Variants in FARSB observed in about 807,000 individuals in gnomAD.
The protein encoded by FARSB is phenylalanyl-tRNA synthetase subunit beta.
Under a neutral mutation model 69.6 loss-of-function variants are expected in FARSB, and 40 were observed. The observed-to-expected ratio is 0.57, with a 90% confidence interval of 0.45 to 0.75. The LOEUF is 0.75. FARSB is among the 30% of genes least tolerant of loss of function. The pLI is 0.00. For synonymous variants in FARSB, 235 were observed against 247.2 expected (o/e 0.95, Z 0.46); for missense variants, 632 against 722.9 (o/e 0.87, Z 1.44).
At chr2:222,628,458 A>G (rs903367278) in intron 10 of FARSB, among the ~76,000 whole-genome samples, 4 of 152,182 alleles carry the variant, frequency 2.6e-5, no homozygotes, top group Non-Finnish European at 4.4e-5. Flanking sequence ...GAATAAAAAC[A>G]TTTTTTAAAA....
intron 15 of FARSB, among the ~76,000 whole-genome samples, chr2:222,603,504 C>CA (rs1460442234): frequency 6.6e-6 from 1 of 151,580 alleles, no homozygotes; most frequent in Non-Finnish European, 1.5e-5. Context: ...AACTATCTGT[C>CA]AATTTATCTA....
chr2:222,590,266 C>CA (rs1474765079), intron 16 of FARSB, among the ~76,000 whole-genome samples: 2 of 150,764 alleles, frequency 1.3e-5, no homozygotes, highest in Non-Finnish European at 3.0e-5. Context: ...ATTGCAAGGA[C>CA]AAAAAACCAA....
intron 10 of FARSB, among the ~76,000 whole-genome samples, chr2:222,625,656 G>T (rs1691250029): frequency 6.6e-6 from 1 of 152,186 alleles, no homozygotes; most frequent in African/African-American, 2.4e-5. Context: ...GAGGCACAAG[G>T]TGAAGATTGC....
At chr2:222,578,914 G>A (rs1689902565) in intron 16 of FARSB, among the ~76,000 whole-genome samples, 2 of 152,136 alleles carry the variant, frequency 1.3e-5, no homozygotes. Context: ...CTCGGGAGGG[G>A]GAGGTTGCAG....
intron 15 of FARSB, among the ~76,000 whole-genome samples, chr2:222,607,708 A>C (rs1248483818): frequency 6.6e-6 from 1 of 152,102 alleles, no homozygotes; most frequent in African/African-American, 2.4e-5. Context: ...CATATTCATG[A>C]AAGGTCTTAA....
intron 16 of FARSB, among the ~76,000 whole-genome samples, chr2:222,586,653 G>A (rs1016155176): frequency 1.3e-5 from 2 of 152,110 alleles, no homozygotes; most frequent in African/African-American, 4.8e-5. Flanking sequence ...AAAATAAAGG[G>A]ATGGAGGAAG....
rs1276736972 is a variant in FARSB, at chr2:222,623,096, A to G, written c.1251+554T>C. ...CAGCAAGAGGGAAAAACGGAACTACAAATTGCATACACATTTTATTCTTTC... is the reference window on the plus strand; with the variant it reads ...CAGCAAGAGGGAAAAACGGAACTACGAATTGCATACACATTTTATTCTTTC... On this transcript the variant is annotated intron_variant, in intron 13 of 16. Transcript: ENST00000281828. Among the ~76,000 whole-genome samples the G allele has an allele frequency of 2.6e-5, 4 of 152,340 alleles. No homozygotes were observed. The East Asian group carries it at 7.7e-4, about 29-fold the overall frequency.
At chr2:222,590,610 T>G (rs1161933905) in intron 16 of FARSB, among the ~76,000 whole-genome samples, 2 of 151,954 alleles carry the variant, frequency 1.3e-5, no homozygotes, top group African/African-American at 2.4e-5. Context: ...TGGATACTTG[T>G]TGATATTCAG....
chr2:222,650,058 T>C (rs770651967), intron 1 of FARSB, among the ~76,000 whole-genome samples: 9 of 152,184 alleles, frequency 5.9e-5, no homozygotes, highest in Non-Finnish European at 1.3e-4. Flanking sequence ...CTGTGTTAAG[T>C]ACAAGGTACA....
At chr2:222,631,571 A>T in intron 8 of FARSB, 33 bp downstream of exon 8, 1 of 1,154,494 alleles carries the variant, frequency 8.7e-7, no homozygotes, top group Non-Finnish European at 1.3e-6. Context: ...ATCCCAGCTG[A>T]TCATACAAAA....
intron 2 of FARSB, among the ~76,000 whole-genome samples, chr2:222,647,249 T>A (rs1187943460): frequency 1.3e-5 from 2 of 152,210 alleles, no homozygotes; most frequent in African/African-American, 2.4e-5. Flanking sequence ...TCACTGGGTC[T>A]TTCAAGTAGT....
intron 4 of FARSB, among the ~76,000 whole-genome samples, chr2:222,640,453 C>G (rs1691691363): frequency 6.6e-6 from 1 of 150,592 alleles, no homozygotes. Context: ...GGTGAAAACC[C>G]ATTTCTAAAA....
At chr2:222,596,740 T>C (rs1690426937) in intron 16 of FARSB, among the ~76,000 whole-genome samples, 1 of 152,168 alleles carries the variant, frequency 6.6e-6, no homozygotes, top group African/African-American at 2.4e-5. Flanking sequence ...GTTTACTGAT[T>C]TGCTTAGGAG....
chr2:222,573,162 G>A (rs1234035219), intron 16 of FARSB, among the ~76,000 whole-genome samples: 1 of 152,186 alleles, frequency 6.6e-6, no homozygotes, highest in Middle Eastern at 3.2e-3. Flanking sequence ...TAGTACCACA[G>A]AGACAAAGGA....
At position 222,639,710 on chromosome 2, in the gene FARSB, A is replaced by G. The variant is rs1448818895; in HGVS notation, c.340-15T>C. 2 of 1,242,700 alleles carry G rather than the reference A, an allele frequency of 1.6e-6. No individual in the cohort carries two copies. Among genetic ancestry groups the G allele is most frequent in the East Asian group, 2.4e-5 (1 of 40,840 alleles). 77.0% of individuals were successfully genotyped at this position (1,242,700 alleles called of 1,614,324 possible). ...ATCTTAGCTGTCTGAAATTCATAAT[A>G]TCATTAGAGATAGCAAACAGTAAGG... On this transcript the variant is annotated splice_polypyrimidine_tract_variant and intron_variant, in intron 4 of 16. Transcript: ENST00000281828.
intron 1 of FARSB, among the ~76,000 whole-genome samples, chr2:222,652,452 G>A (rs1169988237): frequency 1.3e-5 from 2 of 152,124 alleles, no homozygotes; most frequent in African/African-American, 2.4e-5. Flanking sequence ...ATATGAGAAG[G>A]GCTAGTGTAT....
At position 222,623,690 on chromosome 2, in the gene FARSB, A is replaced by G. The variant is rs760665619; in HGVS notation, c.1211T>C (p.Met404Thr). 3 of 1,612,610 alleles carry G rather than the reference A, an allele frequency of 1.9e-6. No individual in the cohort carries two copies. Among genetic ancestry groups the G allele is most frequent in the South Asian group, 2.2e-5 (2 of 91,042 alleles). ...NKLTELLRHD[M>T]AAAGFTEALT... ...TGCTTCAGTGAAGCCAGCGGCTGCC[A>G]TGTCATGTCGGAGAAGTTCAGTGAG... The change falls in exon 13 of 17, where the codon ATG becomes ACG. Residue 404 changes from methionine to threonine, a missense_variant. Physicochemically the swap from Met to Thr is moderately conservative, Grantham distance 81 (BLOSUM62 -1). Coordinates refer to ENST00000281828, the MANE Select transcript of FARSB (RefSeq NM_005687.5).
chr2:222,602,873 TATC>T (rs1690599430), intron 15 of FARSB, among the ~76,000 whole-genome samples: 1 of 152,166 alleles, frequency 6.6e-6, no homozygotes, highest in Non-Finnish European at 1.5e-5. Context: ...CTAAGTATGT[TATC>T]ATTTATGTTT....
intron 8 of FARSB, among the ~76,000 whole-genome samples, chr2:222,630,457 GC>G (rs1182744587): frequency 7.9e-5 from 12 of 152,142 alleles, no homozygotes; most frequent in African/African-American, 2.9e-4. Context: ...GAGACAAATG[GC>G]TAATTACTGG....
Sources: gnomAD v4.1 joint callset for allele counts (sites outside exome capture counted in the v4.1 genomes callset) on GRCh38, gnomAD v4.1.1 for gene constraint, MANE v1.5 for transcripts, NCBI Gene and HGNC (gene_info 2026-07-23, HGNC 2026-07-21) for gene names.